NALF1: variants seen among roughly 807,000 people sequenced by gnomAD.
NALF1 encodes NALCN channel auxiliary factor 1.
NALF1 carries 3 observed loss-of-function variants against 48.4 expected under a neutral mutation model. That is an observed-to-expected ratio of 0.06 (90% CI 0.03 to 0.16). The LOEUF (loss-of-function observed/expected upper bound fraction) is 0.16. NALF1 is among the 10% of genes least tolerant of loss of function. The probability of loss-of-function intolerance (pLI) is 1.00; values close to 1 mark genes in which losing one functional copy is unlikely to be tolerated. For missense variants in NALF1, 526 were observed against 571.5 expected, an observed-to-expected ratio of 0.92 and a Z score of 0.81; for synonymous variants, 262 against 245.7, an observed-to-expected ratio of 1.07 and a Z score of -0.62.
chr13:107,533,970 G>C (rs1043704024), intron 1 of NALF1, among the ~76,000 whole-genome samples: 1 of 152,094 alleles, frequency 6.6e-6, no homozygotes, highest in Non-Finnish European at 1.5e-5. Flanking sequence ...GGGAGAACCA[G>C]GGGACCAAAT....
intron 1 of NALF1, among the ~76,000 whole-genome samples, chr13:107,228,525 A>G (rs999688616): frequency 2.0e-5 from 3 of 152,204 alleles, no homozygotes; most frequent in Non-Finnish European, 4.4e-5. Flanking sequence ...TGTCACATGT[A>G]TCTCAAACAT....
At chr13:107,512,159 C>T (rs965572040) in intron 1 of NALF1, among the ~76,000 whole-genome samples, 40 of 152,168 alleles carry the variant, frequency 2.6e-4, no homozygotes, top group African/African-American at 9.2e-4. Context: ...CTTTGGGAGG[C>T]CAAGGCGGGT....
chr13:107,444,240 A>G (rs759106311), intron 1 of NALF1, among the ~76,000 whole-genome samples: 1 of 152,172 alleles, frequency 6.6e-6, no homozygotes, highest in Non-Finnish European at 1.5e-5. Flanking sequence ...TGCAAACATA[A>G]ATTTTCACAA....
At chr13:107,845,681 C>G (rs539017584) in intron 1 of NALF1, among the ~76,000 whole-genome samples, 7 of 152,244 alleles carry the variant, frequency 4.6e-5, no homozygotes, top group African/African-American at 1.7e-4. Context: ...CCTTTAACCC[C>G]TAGGCTTTTT....
intron 1 of NALF1, among the ~76,000 whole-genome samples, chr13:107,635,455 C>A (rs181399464): frequency 1.5e-5 from 1 of 67,854 alleles, no homozygotes; most frequent in South Asian, 4.8e-4. Context: ...TCCCACTGGG[C>A]CCCTCTCATG....
At chr13:107,241,051 T>TAAAAAAA (rs34271681) in intron 1 of NALF1, among the ~76,000 whole-genome samples, 1 of 66,406 alleles carries the variant, frequency 1.5e-5, no homozygotes, top group Non-Finnish European at 2.6e-5. Flanking sequence ...CCATATCTAC[T>TAAAAAAA]AAAAAAAAAA....
Position 107,829,172 on chromosome 13 carries a change from G to C in NALF1, c.915+36510C>G, listed in dbSNP as rs187392154. Among the ~76,000 whole-genome samples, 317 of 152,316 alleles carry C rather than the reference G, an allele frequency of 2.1e-3. 1 individual carries two copies. The highest frequency in any genetic ancestry group is 6.8e-3 in the Middle Eastern group (2 of 294). ...TCACCCATTATTTCTACAAAGCAAT[G>C]TGAAGAAAGCACTTTGGAGGATGTG... On this transcript the variant is annotated intron_variant, in intron 1 of 2. Transcript: ENST00000375915.
intron 1 of NALF1, among the ~76,000 whole-genome samples, chr13:107,460,425 A>G (rs1884899243): frequency 6.6e-6 from 1 of 152,240 alleles, no homozygotes; most frequent in Non-Finnish European, 1.5e-5. Context: ...AACAATTGAC[A>G]TTCCAGGTAT....
chr13:107,183,064 T>C (rs1387685885), intron 2 of NALF1, among the ~76,000 whole-genome samples: 1 of 152,178 alleles, frequency 6.6e-6, no homozygotes, highest in African/African-American at 2.4e-5. Context: ...GTGTGATTCA[T>C]CCCTGCTTCC....
chr13:107,823,729 T>C (rs1238379358), intron 1 of NALF1, among the ~76,000 whole-genome samples: 1 of 152,188 alleles, frequency 6.6e-6, no homozygotes, highest in Non-Finnish European at 1.5e-5. Flanking sequence ...TTTATATATG[T>C]TCGTGTGACA....
chr13:107,497,382 T>C (rs1374135058), intron 1 of NALF1, among the ~76,000 whole-genome samples: 1 of 152,332 alleles, frequency 6.6e-6, no homozygotes, highest in East Asian at 1.9e-4. Flanking sequence ...CCTAAACTTA[T>C]ATTTTTATTA....
At chr13:107,490,295 T>C (rs1303450219) in intron 1 of NALF1, among the ~76,000 whole-genome samples, 1 of 152,200 alleles carries the variant, frequency 6.6e-6, no homozygotes, top group Non-Finnish European at 1.5e-5. Flanking sequence ...GCAGCACTAT[T>C]CACAATAGCA....
intron 1 of NALF1, among the ~76,000 whole-genome samples, chr13:107,822,986 A>C (rs1052917116): frequency 1.3e-5 from 2 of 152,198 alleles, no homozygotes; most frequent in Non-Finnish European, 2.9e-5. Flanking sequence ...CATAAAAAAT[A>C]ATCGGGTACT....
intron 1 of NALF1, among the ~76,000 whole-genome samples, chr13:107,575,667 T>G (rs1878118900): frequency 6.6e-6 from 1 of 152,152 alleles, no homozygotes. Flanking sequence ...TCTCTCCCAT[T>G]TTTCCATTTT....
chr13:107,831,701 C>T (rs1365580570), intron 1 of NALF1, among the ~76,000 whole-genome samples: 1 of 152,118 alleles, frequency 6.6e-6, no homozygotes, highest in African/African-American at 2.4e-5. Context: ...TCAGGGAAGA[C>T]ATTTAAGCTT....
intron 1 of NALF1, 68 bp downstream of exon 1, chr13:107,865,614 G>C: frequency 6.5e-7 from 1 of 1,539,002 alleles, no homozygotes. Flanking sequence ...TAATAAACTT[G>C]AGAAGACACC....
intron 1 of NALF1, among the ~76,000 whole-genome samples, chr13:107,432,754 C>T (rs1884403303): frequency 6.6e-6 from 1 of 152,130 alleles, no homozygotes; most frequent in African/African-American, 2.4e-5. Flanking sequence ...ATGTCTGGTC[C>T]CAGCCTGTTA....
intron 1 of NALF1, among the ~76,000 whole-genome samples, chr13:107,535,655 G>A (rs1042574183): frequency 6.6e-6 from 1 of 152,072 alleles, no homozygotes; most frequent in African/African-American, 2.4e-5. Flanking sequence ...TACTGCCCAA[G>A]GTAATTTATA....
intron 1 of NALF1, among the ~76,000 whole-genome samples, chr13:107,797,732 CAT>C (rs1295748091): frequency 6.6e-6 from 1 of 151,562 alleles, no homozygotes; most frequent in Non-Finnish European, 1.5e-5. Context: ...AGATAAATTT[CAT>C]TTAATTTATT....
Sources: gnomAD v4.1 joint callset for allele counts (sites outside exome capture counted in the v4.1 genomes callset) on GRCh38, gnomAD v4.1.1 for gene constraint, MANE v1.5 for transcripts, NCBI Gene and HGNC (gene_info 2026-07-23, HGNC 2026-07-21) for gene names.